PTPRD: variants seen among roughly 807,000 people sequenced by gnomAD.
PTPRD encodes receptor-type tyrosine-protein phosphatase delta.
Under a neutral mutation model 214.5 loss-of-function variants are expected in PTPRD, and 34 were observed. The ratio of observed to expected loss-of-function variants is 0.16; its 90% CI spans 0.12 to 0.21. PTPRD has a LOEUF of 0.21. Ranked by LOEUF, PTPRD falls within the 10% of genes least tolerant of loss-of-function variation. The pLI, the probability that PTPRD is intolerant of heterozygous loss-of-function variation, is 1.00. For missense variants in PTPRD, 2,545 were observed against 2,398.7 expected (o/e 1.06, Z -1.27); for synonymous variants, 1,128 against 845.7 (o/e 1.33, Z -5.79).
At chr9:10,187,646 C>T (rs1296080419) in intron 3 of PTPRD, among the ~76,000 whole-genome samples, 2 of 152,196 alleles carry the variant, frequency 1.3e-5, no homozygotes, top group East Asian at 1.9e-4. Flanking sequence ...AACTTTTCTC[C>T]CTTCAGCCGT....
In PTPRD at chr9:8,525,053, A is replaced by T; in HGVS notation, c.569-18T>A. On this transcript the variant is annotated intron_variant, in intron 17 of 45. Transcript: ENST00000381196. ...AAGGGCTCCTGTATGGATATAAAAT[A>T]TATTGCCAAAGAGATGATCAGAGAA... The T allele has an allele frequency of 6.3e-7, 1 of 1,591,456 alleles. No individual in the cohort carries two copies. The highest frequency in any genetic ancestry group is 1.7e-5 in the Admixed American group (1 of 59,968).
At chr9:8,619,011 C>T (rs2095716533) in intron 14 of PTPRD, among the ~76,000 whole-genome samples, 1 of 149,198 alleles carries the variant, frequency 6.7e-6, no homozygotes, top group African/African-American at 2.5e-5. Flanking sequence ...CTGCCAACCT[C>T]AGCCTCCCAA....
intron 10 of PTPRD, among the ~76,000 whole-genome samples, chr9:9,167,914 A>T (rs1396850002): frequency 1.3e-5 from 2 of 152,276 alleles, no homozygotes; most frequent in South Asian, 2.1e-4. Flanking sequence ...CCACAGTCTG[A>T]TCATCCTTAG....
chr9:10,061,467 A>G (rs764656160), intron 3 of PTPRD, among the ~76,000 whole-genome samples: 5 of 152,122 alleles, frequency 3.3e-5, no homozygotes, highest in African/African-American at 4.8e-5. Flanking sequence ...CACACATCTC[A>G]TAATTGTCTG....
intron 11 of PTPRD, among the ~76,000 whole-genome samples, chr9:8,925,117 G>C (rs962023637): frequency 6.6e-6 from 1 of 151,988 alleles, no homozygotes; most frequent in Non-Finnish European, 1.5e-5. Context: ...TCCTTTGTCC[G>C]ATTCTCTTCT....
At chr9:8,722,197 C>T (rs1263415445) in intron 12 of PTPRD, among the ~76,000 whole-genome samples, 3 of 145,688 alleles carry the variant, frequency 2.1e-5, no homozygotes, top group East Asian at 2.2e-4. Context: ...GAAAACTGAA[C>T]CTCACAGGAC....
At chr9:9,036,581 T>C (rs1280844256) in intron 10 of PTPRD, among the ~76,000 whole-genome samples, 1 of 152,176 alleles carries the variant, frequency 6.6e-6, no homozygotes, top group African/African-American at 2.4e-5. Flanking sequence ...TAATAAAATG[T>C]ACCATTTTAA....
At chr9:8,705,632 A>G (rs1448375337) in intron 12 of PTPRD, among the ~76,000 whole-genome samples, 3 of 152,372 alleles carry the variant, frequency 2.0e-5, no homozygotes, top group Middle Eastern at 3.4e-3. Flanking sequence ...TTCTTAAGTT[A>G]GACAGCAGTT....
chr9:8,673,788 A>G (rs540188631), intron 12 of PTPRD, among the ~76,000 whole-genome samples: 2 of 152,222 alleles, frequency 1.3e-5, no homozygotes, highest in East Asian at 1.9e-4. Flanking sequence ...GCACTGAAGT[A>G]GTGTTTCTCA....
intron 2 of PTPRD, among the ~76,000 whole-genome samples, chr9:10,608,071 T>C (rs775864826): frequency 6.6e-6 from 1 of 152,012 alleles, no homozygotes; most frequent in Non-Finnish European, 1.5e-5. Context: ...ATGCAAGGGT[T>C]CAAATAATTT....
At chr9:9,821,475 T>C (rs919572889) in intron 5 of PTPRD, among the ~76,000 whole-genome samples, 37 of 152,168 alleles carry the variant, frequency 2.4e-4, no homozygotes, top group African/African-American at 8.7e-4. Context: ...TACCTGAATA[T>C]TCCCTAGATA....
At chr9:8,688,490 A>G (rs1188247127) in intron 12 of PTPRD, among the ~76,000 whole-genome samples, 5 of 151,562 alleles carry the variant, frequency 3.3e-5, no homozygotes, top group African/African-American at 9.7e-5. Context: ...GCATGAACCC[A>G]GGAGGCAGAG....
intron 7 of PTPRD, among the ~76,000 whole-genome samples, chr9:9,664,675 T>C (rs1007630333): frequency 1.3e-5 from 2 of 151,732 alleles, no homozygotes; most frequent in African/African-American, 4.8e-5. Flanking sequence ...CCTTAATGCA[T>C]GGACAGATCA....
intron 9 of PTPRD, among the ~76,000 whole-genome samples, chr9:9,246,704 G>C (rs1594478634): frequency 1.3e-5 from 2 of 152,132 alleles, no homozygotes; most frequent in East Asian, 3.9e-4. Flanking sequence ...ACATCAGTTT[G>C]GGAGCTGAGA....
intron 7 of PTPRD, among the ~76,000 whole-genome samples, chr9:9,692,429 C>A (rs2097290226): frequency 6.6e-6 from 1 of 151,808 alleles, no homozygotes; most frequent in Non-Finnish European, 1.5e-5. Flanking sequence ...CAAAAATGAG[C>A]CCACTGTAGG....
intron 12 of PTPRD, among the ~76,000 whole-genome samples, chr9:8,665,852 T>G (rs16928251): frequency 0.012 from 1,842 of 152,304 alleles, 32 homozygotes; most frequent in East Asian, 0.072. Flanking sequence ...TGCTACTCCT[T>G]AGACTTGTTA....
intron 10 of PTPRD, among the ~76,000 whole-genome samples, chr9:9,089,153 T>G (rs769750980): frequency 1.6e-4 from 24 of 152,304 alleles, no homozygotes; most frequent in Non-Finnish European, 2.9e-4. Context: ...GGGTGGCATA[T>G]GTAAGATATT....
chr9:8,738,587 T>C (rs1405640283), intron 11 of PTPRD, among the ~76,000 whole-genome samples: 1 of 151,422 alleles, frequency 6.6e-6, no homozygotes, highest in South Asian at 2.1e-4. Flanking sequence ...ATGAGGTGCC[T>C]ATCAGCTAAA....
intron 9 of PTPRD, among the ~76,000 whole-genome samples, chr9:9,217,648 G>C (rs577285589): frequency 6.6e-6 from 1 of 152,008 alleles, no homozygotes; most frequent in Non-Finnish European, 1.5e-5. Flanking sequence ...GTTTCTAAGG[G>C]CCTGCCAGAA....
Sources: gnomAD v4.1 joint callset for allele counts (sites outside exome capture counted in the v4.1 genomes callset) on GRCh38, gnomAD v4.1.1 for gene constraint, MANE v1.5 for transcripts, NCBI Gene and HGNC (gene_info 2026-07-23, HGNC 2026-07-21) for gene names.